The following AMBRA1 variants were observed in gnomAD, a reference collection of about 807,000 sequenced individuals.
AMBRA1 encodes the protein activating molecule in BECN1-regulated autophagy protein 1.
A neutral mutation model predicts 125.4 loss-of-function variants in AMBRA1; 47 were observed. The observed-to-expected ratio is 0.37, with a 90% CI of 0.30 to 0.48. The LOEUF (loss-of-function observed/expected upper bound fraction) is 0.48. Ranked by LOEUF, AMBRA1 falls within the 20% of genes least tolerant of loss-of-function variation. The pLI is 0.99. For synonymous variants in AMBRA1, 626 were observed against 655.5 expected (o/e 0.95, Z 0.69); for missense variants, 1,331 against 1,693.4 (o/e 0.79, Z 3.76).
chr11:46,448,037 G>A (rs1392872341), intron 11 of AMBRA1, among the ~76,000 whole-genome samples: 2 of 152,300 alleles, frequency 1.3e-5, no homozygotes, highest in African/African-American at 4.8e-5. Context: ...AGCATCAACA[G>A]ACAGCTTATA....
intron 1 of AMBRA1, among the ~76,000 whole-genome samples, chr11:46,556,566 A>G (rs1177264515): frequency 6.6e-6 from 1 of 152,210 alleles, no homozygotes; most frequent in African/African-American, 2.4e-5. Context: ...TATCCATAAC[A>G]TCCAAATTAC....
chr11:46,408,458 C>T (rs1181430636), intron 17 of AMBRA1, 55 bp downstream of exon 17: 3 of 1,409,164 alleles, frequency 2.1e-6, no homozygotes, highest in Non-Finnish European at 9.3e-7. Context: ...GGAAGTGGCA[C>T]TCACTCGGTC....
intron 17 of AMBRA1, among the ~76,000 whole-genome samples, chr11:46,404,165 G>C (rs1486003203): frequency 6.6e-6 from 1 of 152,184 alleles, no homozygotes; most frequent in Non-Finnish European, 1.5e-5. Flanking sequence ...CTCCAGCCTG[G>C]ATGGAAGAGC....
chr11:46,435,131 G>T, intron 12 of AMBRA1, 94 bp from the exon 13 acceptor site: 1 of 1,125,182 alleles, frequency 8.9e-7, no homozygotes. Flanking sequence ...CTTCCTAAGG[G>T]CCTGAACCTT....
intron 7 of AMBRA1, chr11:46,518,201 G>A: frequency 2.2e-6 from 1 of 445,220 alleles, no homozygotes; most frequent in Non-Finnish European, 3.0e-6. Context: ...AGGCCGAGGT[G>A]GGCAGATCAC....
chr11:46,410,355 C>T lies in AMBRA1; in HGVS notation c.3130G>A (p.Gly1044Ser), dbSNP rs1275604759. Reference sequence around the variant, plus strand: ...AGCTGGTCCCAGTAGTACTCAACACCAGAGTTTAAGGCCCTAAAAATCAGT... The same window carrying T: ...AGCTGGTCCCAGTAGTACTCAACACTAGAGTTTAAGGCCCTAAAAATCAGT... ...VICRPEALNS[G>S]VEYYWDQLNE... The change falls in exon 16 of 18, where the codon GGT becomes AGT. Residue 1044 changes from glycine (G) to serine (S), a missense_variant. By Grantham distance (56) the Gly-to-Ser change is moderately conservative. Coordinates refer to ENST00000683756, the MANE Select transcript of AMBRA1 (RefSeq NM_001387011.1). 1 of 1,613,920 alleles carries T rather than the reference C, an allele frequency of 6.2e-7. No individual in the cohort carries two copies. Among genetic ancestry groups the T allele is most frequent in the Admixed American group, 1.7e-5 (1 of 60,018 alleles).
At chr11:46,557,427 C>T (rs1013592588) in intron 1 of AMBRA1, among the ~76,000 whole-genome samples, 3 of 152,092 alleles carry the variant, frequency 2.0e-5, no homozygotes, top group Admixed American at 2.0e-4. Flanking sequence ...AAAACAAATT[C>T]TTCTAGGCAA....
intron 5 of AMBRA1, among the ~76,000 whole-genome samples, chr11:46,545,357 G>A (rs1952967073): frequency 6.6e-6 from 1 of 152,006 alleles, no homozygotes; most frequent in African/African-American, 2.4e-5. Context: ...AGCTACTCTG[G>A]AGGCTGAGGC....
At chr11:46,535,507 G>T (rs1353040885) in intron 7 of AMBRA1, among the ~76,000 whole-genome samples, 1 of 152,064 alleles carries the variant, frequency 6.6e-6, no homozygotes, top group Non-Finnish European at 1.5e-5. Flanking sequence ...GCCTTCCACA[G>T]AAACTTAAAG....
chr11:46,457,256 CCACTGCAAT>C (rs1467080482), intron 11 of AMBRA1, among the ~76,000 whole-genome samples: 33 of 152,318 alleles, frequency 2.2e-4, no homozygotes, highest in African/African-American at 7.9e-4. Flanking sequence ...TGGTGTCAGT[CCACTGCAAT>C]CACTGCCACA....
At chr11:46,426,359 G>GCATT (rs1386519516) in intron 14 of AMBRA1, among the ~76,000 whole-genome samples, 1 of 152,188 alleles carries the variant, frequency 6.6e-6, no homozygotes, top group Non-Finnish European at 1.5e-5. Context: ...AAGAAGCCAG[G>GCATT]CATTGCACAT....
rs1249570546 is a variant in AMBRA1, at chr11:46,397,260, C to G, written c.*190G>C. 4 of 689,340 alleles carry G rather than the reference C, an allele frequency of 5.8e-6. No homozygotes were observed. In the African/African-American group the frequency reaches 7.4e-5, roughly 13 times the overall value. 42.7% of individuals were successfully genotyped at this position (689,340 alleles called of 1,614,324 possible). A position where few individuals can be genotyped will look rare whatever the true frequency, so the allele number is the denominator to read the frequency against. ...CTCCAGATCCTGGAAGGTTCTAGTTCCCCGAGGCAGGCCTTGCCCATTTGA... is the reference window on the plus strand; with the variant it reads ...CTCCAGATCCTGGAAGGTTCTAGTTGCCCGAGGCAGGCCTTGCCCATTTGA... On this transcript the variant is annotated 3_prime_UTR_variant, in exon 18 of 18. Transcript: ENST00000683756.
intron 1 of AMBRA1, chr11:46,549,142 GAA>G: frequency 6.6e-6 from 1 of 151,802 alleles, no homozygotes; most frequent in East Asian, 1.9e-4. Flanking sequence ...CTTACAAGGA[GAA>G]AACTTCATCA....
intron 1 of AMBRA1, among the ~76,000 whole-genome samples, chr11:46,587,185 G>C (rs2044432621): frequency 6.6e-6 from 1 of 152,080 alleles, no homozygotes; most frequent in Non-Finnish European, 1.5e-5. Context: ...TTCGAGATCT[G>C]CCTGGCCAAC....
intron 14 of AMBRA1, among the ~76,000 whole-genome samples, chr11:46,425,441 A>T (rs1377881360): frequency 6.6e-6 from 1 of 152,128 alleles, no homozygotes; most frequent in African/African-American, 2.4e-5. Flanking sequence ...AATTCTTGAA[A>T]AAAAGGATGT....
In AMBRA1 at chr11:46,542,290, G is replaced by A. The variant is rs892478252; in HGVS notation, c.1727C>T (p.Thr576Ile). 2.6e-5 allele frequency: 42 copies of A among 1,614,038 alleles called. No individual in the cohort carries two copies. The highest frequency in any genetic ancestry group is 3.1e-5 in the Non-Finnish European group (37 of 1,180,058). ...NRCRACHNLL[T>I]FNNDTLRWER... The stretch of plus-strand genomic sequence containing the variant: ...CCAGCGCAGGGTATCGTTGTTGAAG[G>A]TCAGGAGATTGTGGCAAGCACGACA... The change falls in exon 7 of 18, where the codon ACC becomes ATC. Residue 576 changes from threonine (T) to isoleucine (I), a missense_variant. Thr to Ile is a moderately conservative substitution (Grantham distance 89). This residue lies in a region of AMBRA1 where 689 missense variants were observed against 776.5 expected (regional missense o/e 0.89). Transcript: ENST00000683756. The surrounding 1 kb of genome is among the most constrained non-coding windows in gnomAD (Gnocchi z 5.9).
chr11:46,542,919 G>C lies in AMBRA1; in HGVS notation c.1098C>G (p.Asn366Lys), dbSNP rs1224304811. The C allele has an allele frequency of 5.0e-6, 8 of 1,611,450 alleles. No homozygotes were observed. The highest frequency in any genetic ancestry group is 6.8e-6 in the Non-Finnish European group (8 of 1,180,004). Residue 366 changes from asparagine (N) to lysine (K), a missense_variant, in exon 7 of 18, where the codon AAC (asparagine) becomes AAG (lysine). Around this residue, in one of 4 missense-constraint regions of AMBRA1, gnomAD observed 689 missense variants for 776.5 expected, o/e 0.89. Transcript: ENST00000683756. The surrounding 1 kb of genome is among the most constrained non-coding windows in gnomAD (Gnocchi z 5.9). The part of the protein sequence containing the change: ...SSTQQDQGLL[N>K]RPSAFSTVQS... ...GGACTGTACTGAAGGCAGACGGCCG[G>C]TTCAGGAGGCCCTGGTCCTGCTGCG...
intron 7 of AMBRA1, among the ~76,000 whole-genome samples, chr11:46,530,806 T>C (rs1952178828): frequency 6.6e-6 from 1 of 152,258 alleles, no homozygotes; most frequent in South Asian, 2.1e-4. Context: ...AGCATTTTTA[T>C]GACTCGTGAA....
At chr11:46,507,321 T>C (rs56977210) in intron 9 of AMBRA1, among the ~76,000 whole-genome samples, 11,391 of 127,728 alleles carry the variant, frequency 0.089, 1,419 homozygotes, top group African/African-American at 0.3. Flanking sequence ...CTACTAAAAA[T>C]ACAAAAAATT....
Sources: gnomAD v4.1 joint callset for allele counts (sites outside exome capture counted in the v4.1 genomes callset) on GRCh38, gnomAD v4.1.1 for gene constraint, gnomAD v4.1.1 regional missense constraint, Gnocchi (gnomAD v3.1) non-coding constraint, MANE v1.5 for transcripts, NCBI Gene and HGNC (gene_info 2026-07-23, HGNC 2026-07-21) for gene names.